LAMA3: variants seen among roughly 807,000 people sequenced by gnomAD.
LAMA3 encodes the protein laminin subunit alpha-3.
A neutral mutation model predicts 402.0 loss-of-function variants in LAMA3; 281 were observed. The ratio of observed to expected loss-of-function variants is 0.70; its 90% CI spans 0.63 to 0.77. LAMA3 has a LOEUF of 0.77. Among genes scored for constraint, LAMA3 ranks in the 30% least tolerant of loss-of-function variants. The pLI is 0.00. For missense variants in LAMA3, 3,840 were observed against 4,215.5 expected (o/e 0.91, Z 2.47); for synonymous variants, 1,431 against 1,558.4 (o/e 0.92, Z 1.93).
chr18:23,827,296 T>C lies in LAMA3; in HGVS notation c.2670-18T>C, dbSNP rs1568226936. The C allele has an allele frequency of 6.2e-7, 1 of 1,613,760 alleles. No homozygotes were observed. Among genetic ancestry groups the C allele is most frequent in the Non-Finnish European group, 8.5e-7 (1 of 1,179,668 alleles). On this transcript the variant is annotated intron_variant, in intron 22 of 74. Coordinates refer to ENST00000313654, the MANE Select transcript of LAMA3 (RefSeq NM_198129.4). ...TCAGTTGTAACTATTGATTCCATTG[T>C]TGTTGCTGTTGTTGAAGTTGCTTAC...
Position 23,871,660 on chromosome 18 carries a change from A to G in LAMA3, c.4997A>G (p.Gln1666Arg), listed in dbSNP as rs911277127. ...CPPAYAGDSC[Q>R]GCSPGYYRDH... Reference sequence around the variant, plus strand: ...CCTGCCTACGCTGGTGACTCTTGTCAGGTAGGAAGTTTTCCCATCCGCAAC... The same window carrying G: ...CCTGCCTACGCTGGTGACTCTTGTCGGGTAGGAAGTTTTCCCATCCGCAAC... The change falls in exon 38 of 75, where the codon CAG (glutamine) becomes CGG (arginine). Residue 1666 changes from glutamine (Q) to arginine (R), a missense_variant and splice_region_variant. Transcript: ENST00000313654. The G allele has an allele frequency of 3.1e-6, 5 of 1,598,006 alleles. No homozygotes were observed. The East Asian group carries it at 6.7e-5, about 22-fold the overall frequency.
chr18:23,880,418 T>A (rs2064858027), intron 39 of LAMA3, among the ~76,000 whole-genome samples: 1 of 152,250 alleles, frequency 6.6e-6, no homozygotes, highest in Non-Finnish European at 1.5e-5. Context: ...GTGTTTTGTG[T>A]AATTTTCAGT....
chr18:23,717,452 T>C (rs1015267154), intron 2 of LAMA3, among the ~76,000 whole-genome samples: 1 of 152,118 alleles, frequency 6.6e-6, no homozygotes, highest in South Asian at 2.1e-4. Context: ...TGTGAGGGTC[T>C]TGTTTTCTTT....
intron 59 of LAMA3, among the ~76,000 whole-genome samples, chr18:23,916,005 C>CAAAAAAAAAAAAAAAAAAAAAAG (rs1408575781): frequency 2.4e-5 from 1 of 41,946 alleles, no homozygotes; most frequent in Non-Finnish European, 3.6e-5. Context: ...GACTCCATCT[C>CAAAAAAAAAAAAAAAAAAAAAAG]CAAAAAAAAA....
At position 23,819,877 on chromosome 18, in the gene LAMA3, T is replaced by A; in HGVS notation, c.2184T>A (p.His728Gln). The change falls in exon 19 of 75, where the codon CAT becomes CAA. Residue 728 changes from histidine (H) to glutamine (Q), a missense_variant. Physicochemically the swap from His to Gln is conservative, Grantham distance 24. Transcript: ENST00000313654. Reference sequence around the variant, plus strand: ...ACTACTATTTCCCAGATTTGCATCATATGAAGTATGAGATTGAAGACGGCA... The same window carrying A: ...ACTACTATTTCCCAGATTTGCATCAAATGAAGTATGAGATTGAAGACGGCA... ...ENNYYFPDLH[H>Q]MKYEIEDGST... 2 of 1,614,126 alleles carry A rather than the reference T, an allele frequency of 1.2e-6. No individual in the cohort carries two copies. Among genetic ancestry groups the A allele is most frequent in the Non-Finnish European group, 1.7e-6 (2 of 1,179,966 alleles).
intron 7 of LAMA3, among the ~76,000 whole-genome samples, chr18:23,760,226 G>T (rs973311049): frequency 3.9e-5 from 6 of 152,054 alleles, no homozygotes; most frequent in Admixed American, 6.5e-5. Context: ...CAAAAATAGT[G>T]CATGAAAATC....
At chr18:23,750,070 G>A (rs921276018) in intron 4 of LAMA3, among the ~76,000 whole-genome samples, 6 of 152,168 alleles carry the variant, frequency 3.9e-5, no homozygotes, top group Non-Finnish European at 5.9e-5. Context: ...CCGATCCTAC[G>A]TGATCCCTGA....
intron 12 of LAMA3, among the ~76,000 whole-genome samples, chr18:23,787,831 T>C (rs967085397): frequency 6.6e-6 from 1 of 152,164 alleles, no homozygotes; most frequent in African/African-American, 2.4e-5. Flanking sequence ...TAATAAAGGA[T>C]GTTCTTAAAG....
chr18:23,784,684 G>A (rs963560102), intron 12 of LAMA3, among the ~76,000 whole-genome samples: 4 of 152,152 alleles, frequency 2.6e-5, no homozygotes, highest in Admixed American at 6.5e-5. Flanking sequence ...CTGAAGGGGG[G>A]ATGGAAGGTG....
At chr18:23,750,218 T>C (rs1429081864) in intron 4 of LAMA3, among the ~76,000 whole-genome samples, 1 of 152,188 alleles carries the variant, frequency 6.6e-6, no homozygotes, top group East Asian at 1.9e-4. Context: ...TCAGAGAAGA[T>C]TTCCATGGAA....
In LAMA3 at chr18:23,839,974, T is replaced by G; in HGVS notation, c.3336+45T>G. On this transcript the variant is annotated intron_variant, in intron 27 of 74. Coordinates refer to ENST00000313654, the MANE Select transcript of LAMA3 (RefSeq NM_198129.4). The surrounding 1 kb of genome is among the most constrained non-coding windows in gnomAD (Gnocchi z 4.5). Reference sequence around the variant, plus strand: ...CCAGTGGTTCTCAAAGTATGACCTCTGAAGCAGCAGCATCCACATCACTTG... The same window carrying G: ...CCAGTGGTTCTCAAAGTATGACCTCGGAAGCAGCAGCATCCACATCACTTG... 6.3e-7 allele frequency: 1 copy of G among 1,599,832 alleles called. No individual in the cohort carries two copies. Among genetic ancestry groups the G allele is most frequent in the Non-Finnish European group, 8.6e-7 (1 of 1,167,070 alleles).
chr18:23,835,849 C>T (rs1042281158), intron 24 of LAMA3, among the ~76,000 whole-genome samples: 8 of 151,992 alleles, frequency 5.3e-5, no homozygotes, highest in Admixed American at 3.9e-4. Flanking sequence ...CAAGTGAGTT[C>T]TAACGATGTT....
intron 17 of LAMA3, 36 bp downstream of exon 17, chr18:23,815,609 T>A: frequency 1.5e-6 from 2 of 1,337,412 alleles, no homozygotes; most frequent in Non-Finnish European, 2.2e-6. Context: ...CAAAGCACAG[T>A]GTTGATGGAC....
chr18:23,824,483 T>C lies in LAMA3; in HGVS notation c.2489T>C (p.Val830Ala). Residue 830 changes from valine to alanine, a missense_variant, in exon 21 of 75, where the codon GTC (valine) becomes GCC (alanine). Val to Ala is a moderately conservative substitution (Grantham distance 64, BLOSUM62 0). Coordinates refer to ENST00000313654, the MANE Select transcript of LAMA3 (RefSeq NM_198129.4). ...LPSKEPAFVT[V>A]PGNGFADPFS... is the part of the protein sequence containing the mutation. ...AGTAAGGAGCCAGCCTTTGTCACTG[T>C]CCCTGGAAATGGTTTTGCAGACCCA... 6.2e-7 allele frequency: 1 copy of C among 1,614,158 alleles called. No homozygotes were observed. Among genetic ancestry groups the C allele is most frequent in the Non-Finnish European group, 8.5e-7 (1 of 1,179,988 alleles).
intron 12 of LAMA3, chr18:23,796,198 G>A (rs555589323): frequency 5.0e-5 from 14 of 278,976 alleles, no homozygotes; most frequent in Middle Eastern, 1.4e-3. Flanking sequence ...TGACTAATAC[G>A]TATCCTTCTA....
chr18:23,856,073 A>G (rs1282818735), intron 32 of LAMA3, among the ~76,000 whole-genome samples: 8 of 152,212 alleles, frequency 5.3e-5, no homozygotes, highest in Admixed American at 6.5e-5. Context: ...TGTGAAGTAG[A>G]TATTGTTACC....
chr18:23,799,548 G>T (rs1178539234), intron 12 of LAMA3, among the ~76,000 whole-genome samples: 2 of 152,178 alleles, frequency 1.3e-5, no homozygotes, highest in African/African-American at 2.4e-5. Flanking sequence ...GTGGTCCTAA[G>T]GCCAGTGTCT....
rs914227638 is a variant in LAMA3 at position 23,831,700 on chromosome 18, G to A, written c.2824-2128G>A. Among the ~76,000 whole-genome samples the A allele has an allele frequency of 8.5e-5, 13 of 152,188 alleles. No individual in the cohort carries two copies. The South Asian group carries it at 2.1e-3, about 24-fold the overall frequency. ...CTTCCCATTGTATACCTATCACCTCGCTGGTGGACTGGCATAGCATAGGTA... is the reference window on the plus strand; with the variant it reads ...CTTCCCATTGTATACCTATCACCTCACTGGTGGACTGGCATAGCATAGGTA... On this transcript the variant is annotated intron_variant, in intron 23 of 74. Coordinates refer to ENST00000313654, the MANE Select transcript of LAMA3 (RefSeq NM_198129.4).
rs533289014 is a variant in LAMA3 at position 23,709,064 on chromosome 18, G to A, written c.295-4856G>A. Among the ~76,000 whole-genome samples the A allele has an allele frequency of 5.9e-5, 9 of 151,774 alleles. No individual in the cohort carries two copies. In the South Asian group the frequency reaches 1.7e-3, roughly 28 times the overall value. On this transcript the variant is annotated intron_variant, in intron 1 of 74. Transcript: ENST00000313654. ...GCCACTGTGCCTGGCTTCATTTGGA[G>A]GTTTTTTCTTTTTTCTTTTTTTTTG...
Sources: gnomAD v4.1 joint callset for allele counts (sites outside exome capture counted in the v4.1 genomes callset) on GRCh38, gnomAD v4.1.1 for gene constraint, Gnocchi (gnomAD v3.1) non-coding constraint, MANE v1.5 for transcripts, NCBI Gene and HGNC (gene_info 2026-07-23, HGNC 2026-07-21) for gene names.